SLC5A1: variants seen among roughly 807,000 people sequenced by gnomAD.
SLC5A1 encodes sodium/glucose cotransporter 1.
Under a neutral mutation model 73.5 loss-of-function variants are expected in SLC5A1, and 42 were observed. The ratio of observed to expected loss-of-function variants is 0.57; its 90% CI spans 0.45 to 0.74. SLC5A1 has a LOEUF of 0.74. Among genes scored for constraint, SLC5A1 ranks in the 30% least tolerant of loss-of-function variants. The pLI, the probability that SLC5A1 is intolerant of heterozygous loss-of-function variation, is 0.00. For synonymous variants in SLC5A1, 300 were observed against 317.4 expected (o/e 0.95, Z 0.58); for missense variants, 634 against 855.4 (o/e 0.74, Z 3.23).
chr22:32,096,095 C>T (rs2094025860), intron 11 of SLC5A1, among the ~76,000 whole-genome samples: 1 of 152,134 alleles, frequency 6.6e-6, no homozygotes, highest in South Asian at 2.1e-4. Flanking sequence ...TATATTCCTG[C>T]AGTAGTTCTT....
In SLC5A1 at chr22:32,063,505, G is replaced by A. The variant is rs577505799; in HGVS notation, c.208-3430G>A. On this transcript the variant is annotated intron_variant, in intron 2 of 14. Transcript: ENST00000266088. ...GCTCATGCTGTCTCTGCACTTGAGG[G>A]AACTTTACCTTGAAACCTTGCTATA... Among the ~76,000 whole-genome samples, 489 of 152,252 alleles carry A rather than the reference G, an allele frequency of 3.2e-3. 2 individuals are homozygous for A. Among genetic ancestry groups the A allele is most frequent in the African/African-American group, 0.01 (425 of 41,526 alleles).
chr22:32,047,734 T>A (rs2093938997), intron 1 of SLC5A1, among the ~76,000 whole-genome samples: 1 of 152,198 alleles, frequency 6.6e-6, no homozygotes, highest in Admixed American at 6.5e-5. Flanking sequence ...AGCAAAATGT[T>A]ATCTGTCTCA....
chr22:32,075,733 G>C (rs561509096), intron 5 of SLC5A1, among the ~76,000 whole-genome samples: 11 of 152,212 alleles, frequency 7.2e-5, no homozygotes, highest in African/African-American at 2.4e-4. Flanking sequence ...GGTATATGAA[G>C]GATCTGAAGG....
intron 13 of SLC5A1, among the ~76,000 whole-genome samples, chr22:32,104,288 C>T (rs918047201): frequency 3.9e-5 from 6 of 152,218 alleles, no homozygotes; most frequent in Admixed American, 3.3e-4. Context: ...AGTTCATGCT[C>T]TAGATCAAGT....
chr22:32,105,327 CTT>C lies in SLC5A1; in HGVS notation c.1771+437_1771+438del, dbSNP rs1460020070. Among the ~76,000 whole-genome samples the C allele has an allele frequency of 1.4e-3, 191 of 139,486 alleles. 1 individual carries two copies. The highest frequency in any genetic ancestry group is 5.1e-3 in the African/African-American group (185 of 36,394). 91.5% of individuals were successfully genotyped at this position (139,486 alleles called of 152,430 possible). Reference sequence around the variant, plus strand: ...TTTTTTTTTGAGACCGAGTTTCACTCTTGTTGCCTAGGCTGGAGTGCAATGGC... The same window carrying C: ...TTTTTTTTTGAGACCGAGTTTCACTCGTTGCCTAGGCTGGAGTGCAATGGC... On this transcript the variant is annotated intron_variant, in intron 14 of 14. Coordinates refer to ENST00000266088, the MANE Select transcript of SLC5A1 (RefSeq NM_000343.4).
chr22:32,047,889 G>GGTGGCTCAT (rs1391494611), intron 1 of SLC5A1, among the ~76,000 whole-genome samples: 1 of 152,146 alleles, frequency 6.6e-6, no homozygotes, highest in Non-Finnish European at 1.5e-5. Flanking sequence ...GGCCGGGCAT[G>GGTGGCTCAT]GTGGCTCATG....
intron 5 of SLC5A1, among the ~76,000 whole-genome samples, chr22:32,075,671 C>A (rs1379419436): frequency 6.6e-6 from 1 of 151,922 alleles, no homozygotes; most frequent in East Asian, 1.9e-4. Flanking sequence ...AAATGAGTTG[C>A]CAAGAGTAGG....
At chr22:32,049,856 A>T (rs1655220529) in intron 1 of SLC5A1, 87 bp from the exon 2 acceptor site, 2 of 984,536 alleles carry the variant, frequency 2.0e-6, no homozygotes, top group African/African-American at 3.2e-5. Context: ...GGGTAGAAGA[A>T]GGTGCACGAA....
intron 10 of SLC5A1, among the ~76,000 whole-genome samples, chr22:32,089,106 A>G (rs1166507527): frequency 6.6e-6 from 1 of 152,220 alleles, no homozygotes; most frequent in Non-Finnish European, 1.5e-5. Flanking sequence ...CAGCTTACCA[A>G]TTTCAAGGCA....
In SLC5A1 at chr22:32,062,347, G is replaced by A. The variant is rs117490528; in HGVS notation, c.208-4588G>A. On this transcript the variant is annotated intron_variant, in intron 2 of 14. Transcript: ENST00000266088. ...CAACCTTCCAGGATAGGACATCTAC[G>A]TGGTAAAATGTGATTAATTCCCTAA... is the stretch of plus-strand genomic sequence containing the variant. 8.1e-3 allele frequency among the ~76,000 whole-genome samples: 1,226 copies of A among 152,266 alleles called. 16 individuals carry two copies. Among genetic ancestry groups the A allele is most frequent in the African/African-American group, 0.027 (1,108 of 41,530 alleles).
At position 32,066,975 on chromosome 22, in the gene SLC5A1, A is replaced by G; in HGVS notation, c.248A>G (p.His83Arg). The change falls in exon 3 of 15, where the codon CAC (histidine) becomes CGC (arginine). Residue 83 changes from histidine to arginine, a missense_variant. Transcript: ENST00000266088. Reference protein sequence around the residue: ...SLFASNIGSGHFVGLAGTGAA... With the variant: ...SLFASNIGSGRFVGLAGTGAA... ...TTTGCTAGTAACATTGGAAGTGGCC[A>G]CTTTGTGGGGCTGGCCGGGACTGGG... The G allele has an allele frequency of 6.2e-7, 1 of 1,613,764 alleles. No homozygotes were observed. The highest frequency in any genetic ancestry group is 8.5e-7 in the Non-Finnish European group (1 of 1,179,750).
chr22:32,078,336 C>T (rs11703935), intron 5 of SLC5A1, among the ~76,000 whole-genome samples: 5,087 of 152,148 alleles, frequency 0.033, 121 homozygotes, highest in Non-Finnish European at 0.048. Context: ...GGCACAATCT[C>T]GGCTCACTGC....
chr22:32,099,926 G>T (rs773992297), intron 12 of SLC5A1, among the ~76,000 whole-genome samples: 12 of 152,220 alleles, frequency 7.9e-5, no homozygotes, highest in Admixed American at 6.5e-4. Flanking sequence ...TGCGTAAGAA[G>T]TAAGGGATAC....
chr22:32,073,377 G>A (rs1172387812), intron 5 of SLC5A1, among the ~76,000 whole-genome samples: 1 of 152,178 alleles, frequency 6.6e-6, no homozygotes, highest in Non-Finnish European at 1.5e-5. Context: ...CGATAATGCT[G>A]TTAAGGTTTT....
chr22:32,105,536 C>T (rs1189852256), intron 14 of SLC5A1, among the ~76,000 whole-genome samples: 1 of 152,156 alleles, frequency 6.6e-6, no homozygotes, highest in African/African-American at 2.4e-5. Flanking sequence ...CTTAGGTGAT[C>T]TGCCCGCCTT....
intron 14 of SLC5A1, among the ~76,000 whole-genome samples, chr22:32,107,118 T>G (rs1603147136): frequency 6.6e-6 from 1 of 152,194 alleles, no homozygotes; most frequent in Non-Finnish European, 1.5e-5. Flanking sequence ...GGAGAGAGCC[T>G]GGAGCCACAG....
chr22:32,102,924 A>G (rs2094039017), intron 13 of SLC5A1, among the ~76,000 whole-genome samples: 1 of 152,170 alleles, frequency 6.6e-6, no homozygotes, highest in African/African-American at 2.4e-5. Context: ...ATGGTGGAAT[A>G]ATACTCTACT....
At chr22:32,085,489 T>C (rs1376238849) in intron 9 of SLC5A1, among the ~76,000 whole-genome samples, 8 of 152,014 alleles carry the variant, frequency 5.3e-5, no homozygotes, top group Admixed American at 5.2e-4. Flanking sequence ...AGTGAGCAAC[T>C]TGAGGGAACT....
At chr22:32,044,432 T>C (rs1444145604) in intron 1 of SLC5A1, among the ~76,000 whole-genome samples, 2 of 152,162 alleles carry the variant, frequency 1.3e-5, no homozygotes, top group East Asian at 3.8e-4. Flanking sequence ...GGTGATTGTG[T>C]TGAACTCTTT....
Sources: allele counts gnomAD v4.1 joint callset (sites outside exome capture counted in the v4.1 genomes callset), GRCh38; gene constraint gnomAD v4.1.1; transcripts MANE v1.5; gene names NCBI Gene and HGNC (gene_info 2026-07-23, HGNC 2026-07-21).